The following SERP2 variants were observed in gnomAD, a reference collection of about 807,000 sequenced individuals.
The protein encoded by SERP2 is stress associated endoplasmic reticulum protein family member 2.
A neutral mutation model predicts 9.1 loss-of-function variants in SERP2; 6 were observed. The observed-to-expected ratio is 0.66, with a 90% CI of 0.36 to 1.30. The LOEUF (loss-of-function observed/expected upper bound fraction) is 1.30, where lower values mean the gene tolerates loss of function less well. Ranked by LOEUF, SERP2 falls within the 50% of genes most tolerant of loss-of-function variation. The pLI is 0.03. For missense variants in SERP2, 58 were observed against 81.9 expected, an observed-to-expected ratio of 0.71 and a Z score of 1.13; for synonymous variants, 37 against 27.3, an observed-to-expected ratio of 1.35 and a Z score of -1.10.
At chr13:44,377,141 A>C (rs1483050080) in intron 1 of SERP2, among the ~76,000 whole-genome samples, 1 of 152,244 alleles carries the variant, frequency 6.6e-6, no homozygotes, top group African/African-American at 2.4e-5. Flanking sequence ...AATCATGTTG[A>C]TTCCATGGAG....
chr13:44,373,890 G>A lies in SERP2; in HGVS notation c.-136G>A, dbSNP rs948346924. On this transcript the variant is annotated 5_prime_UTR_variant, in exon 1 of 3. Coordinates refer to ENST00000379179, the MANE Select transcript of SERP2 (RefSeq NM_001010897.3). This position sits in a 1 kb window ranked among gnomAD's most constrained non-coding sequence, Gnocchi z 4.8. ...CGGGGCTCGGGGAGCGGGGTGCGCA[G>A]GGCTCGGGGCCACGCCTTGCCACCT... 11 of 692,592 alleles carry A rather than the reference G, an allele frequency of 1.6e-5. No individual in the cohort carries two copies. Among genetic ancestry groups the A allele is most frequent in the Non-Finnish European group, 2.6e-5 (11 of 425,248 alleles). 42.9% of individuals were successfully genotyped at this position (692,592 alleles called of 1,614,324 possible). A position where few individuals can be genotyped will look rare whatever the true frequency, so the allele number is the denominator to read the frequency against.
rs753242612 is a variant in SERP2, at chr13:44,373,983, G to A, written c.-43G>A. ...CGGCCCTGTCGCAGGAGCTAACGCA[G>A]GGGGAATCCTTGCAGGTGGGAGCAT... On this transcript the variant is annotated 5_prime_UTR_variant, in exon 1 of 3. Coordinates refer to ENST00000379179, the MANE Select transcript of SERP2 (RefSeq NM_001010897.3). This position sits in a 1 kb window ranked among gnomAD's most constrained non-coding sequence, Gnocchi z 4.8. 1 of 1,540,802 alleles carries A rather than the reference G, an allele frequency of 6.5e-7. No individual in the cohort carries two copies. Among genetic ancestry groups the A allele is most frequent in the Non-Finnish European group, 8.8e-7 (1 of 1,132,074 alleles).
chr13:44,376,444 A>T (rs1396075716), intron 1 of SERP2, among the ~76,000 whole-genome samples: 1 of 152,188 alleles, frequency 6.6e-6, no homozygotes, highest in Non-Finnish European at 1.5e-5. Flanking sequence ...GCTTACGGAT[A>T]AATTAATATT....
intron 2 of SERP2, among the ~76,000 whole-genome samples, chr13:44,396,436 A>G (rs1873109423): frequency 6.7e-6 from 1 of 150,150 alleles, no homozygotes; most frequent in Non-Finnish European, 1.5e-5. Context: ...CCTCCTTCAA[A>G]AAAAAAAAAA....
chr13:44,386,774 AG>A (rs1177157190), intron 2 of SERP2, among the ~76,000 whole-genome samples: 1 of 152,232 alleles, frequency 6.6e-6, no homozygotes, highest in African/African-American at 2.4e-5. Flanking sequence ...TAACCCAAAT[AG>A]GCCAGAAACT....
intron 2 of SERP2, among the ~76,000 whole-genome samples, chr13:44,387,158 G>C (rs1872362656): frequency 6.6e-6 from 1 of 152,194 alleles, no homozygotes; most frequent in Non-Finnish European, 1.5e-5. Flanking sequence ...CTGTCACACA[G>C]ATAGGTCAAC....
intron 2 of SERP2, among the ~76,000 whole-genome samples, chr13:44,391,587 G>A (rs569473366): frequency 6.6e-6 from 1 of 152,254 alleles, no homozygotes; most frequent in South Asian, 2.1e-4. Flanking sequence ...AGGCACATGG[G>A]GCTATGAAAT....
intron 2 of SERP2, among the ~76,000 whole-genome samples, chr13:44,389,950 CTG>C: frequency 6.6e-6 from 1 of 152,222 alleles, no homozygotes; most frequent in East Asian, 1.9e-4. Flanking sequence ...AATCACGAAA[CTG>C]AGGCTCATAG....
At chr13:44,387,138 C>T (rs1183645082) in intron 2 of SERP2, among the ~76,000 whole-genome samples, 2 of 152,166 alleles carry the variant, frequency 1.3e-5, no homozygotes, top group Non-Finnish European at 2.9e-5. Flanking sequence ...GACCGTTCCC[C>T]ACAAAGATAC....
Position 44,373,985 on chromosome 13 carries a change from G to C in SERP2, c.-41G>C. 1 of 1,549,494 alleles carries C rather than the reference G, an allele frequency of 6.5e-7. No homozygotes were observed. The highest frequency in any genetic ancestry group is 8.8e-7 in the Non-Finnish European group (1 of 1,139,130). On this transcript the variant is annotated 5_prime_UTR_variant, in exon 1 of 3. Transcript: ENST00000379179. The surrounding 1 kb of genome is among the most constrained non-coding windows in gnomAD (Gnocchi z 4.8). ...GCCCTGTCGCAGGAGCTAACGCAGG[G>C]GGAATCCTTGCAGGTGGGAGCATTT...
At chr13:44,376,564 C>T (rs1871662463) in intron 1 of SERP2, among the ~76,000 whole-genome samples, 1 of 152,106 alleles carries the variant, frequency 6.6e-6, no homozygotes, top group South Asian at 2.1e-4. Context: ...CACCTGAGGT[C>T]AGGAGTTCGA....
rs900086939 is a variant in SERP2 at position 44,397,371 on chromosome 13, G to T, written c.*59G>T. 1 of 1,345,866 alleles carries T rather than the reference G, an allele frequency of 7.4e-7. No homozygotes were observed. Among genetic ancestry groups the T allele is most frequent in the African/African-American group, 1.4e-5 (1 of 69,952 alleles). 83.4% of individuals were successfully genotyped at this position (1,345,866 alleles called of 1,614,324 possible). ...CTGGAGGCGGGAGGACAACGGAAGC[G>T]GTCAGCCAGTTTCTGCGGGAAACAA... is the stretch of plus-strand genomic sequence containing the variant. On this transcript the variant is annotated 3_prime_UTR_variant, in exon 3 of 3. Transcript: ENST00000379179.
intron 2 of SERP2, among the ~76,000 whole-genome samples, chr13:44,380,706 A>G (rs1871922432): frequency 6.6e-6 from 1 of 152,214 alleles, no homozygotes; most frequent in Admixed American, 6.5e-5. Context: ...TTCCAAGATG[A>G]GAAAATCTTA....
Position 44,397,462 on chromosome 13 carries a change from C to T in SERP2, c.*150C>T. The T allele has an allele frequency of 1.5e-6, 1 of 651,968 alleles. No homozygotes were observed. 40.4% of individuals were successfully genotyped at this position (651,968 alleles called of 1,614,324 possible). A position where few individuals can be genotyped will look rare whatever the true frequency, so the allele number is the denominator to read the frequency against. ...TCCCTGATCACTTCATCGTGGATGTCAGACCAAATTGCCTTCTCACAGGAC... is the reference window on the plus strand; with the variant it reads ...TCCCTGATCACTTCATCGTGGATGTTAGACCAAATTGCCTTCTCACAGGAC... On this transcript the variant is annotated 3_prime_UTR_variant, in exon 3 of 3. Transcript: ENST00000379179.
At chr13:44,395,912 A>C (rs1873075615) in intron 2 of SERP2, 1 of 450,862 alleles carries the variant, frequency 2.2e-6, no homozygotes, top group Admixed American at 2.4e-5. Context: ...AGAAGCAGAA[A>C]TGGGAGCCCA....
chr13:44,387,397 G>A (rs982039910), intron 2 of SERP2, among the ~76,000 whole-genome samples: 1 of 152,168 alleles, frequency 6.6e-6, no homozygotes, highest in Non-Finnish European at 1.5e-5. Flanking sequence ...AATATGGCTG[G>A]CAGGGCCACG....
intron 2 of SERP2, chr13:44,390,912 C>G (rs944055642): frequency 6.6e-6 from 1 of 152,262 alleles, no homozygotes; most frequent in Non-Finnish European, 1.5e-5. Context: ...TGCTTTCTAC[C>G]AGCTCTTTCA....
At chr13:44,381,324 C>T (rs1284919181) in intron 2 of SERP2, among the ~76,000 whole-genome samples, 1 of 150,884 alleles carries the variant, frequency 6.6e-6, no homozygotes, top group Non-Finnish European at 1.5e-5. Context: ...GGGAGGATCA[C>T]AAGGTCTGGA....
At chr13:44,386,628 C>T (rs987460091) in intron 2 of SERP2, among the ~76,000 whole-genome samples, 27 of 152,220 alleles carry the variant, frequency 1.8e-4, no homozygotes, top group South Asian at 4.1e-4. Context: ...AAGTGATCGG[C>T]CCTCCTCAGC....
Sources: allele counts gnomAD v4.1 joint callset (sites outside exome capture counted in the v4.1 genomes callset), GRCh38; gene constraint gnomAD v4.1.1; non-coding constraint Gnocchi (gnomAD v3.1); transcripts MANE v1.5; gene names NCBI Gene and HGNC (gene_info 2026-07-23, HGNC 2026-07-21).